LRP1: variants seen among roughly 807,000 people sequenced by gnomAD.
LRP1 encodes the protein LDL receptor related protein 1, also known as prolow-density lipoprotein receptor-related protein 1.
Under a neutral mutation model 541.5 loss-of-function variants are expected in LRP1, and 51 were observed. The observed-to-expected ratio is 0.09, with a 90% CI of 0.08 to 0.12. The LOEUF (loss-of-function observed/expected upper bound fraction) is 0.12. Among genes scored for constraint, LRP1 ranks in the 10% least tolerant of loss-of-function variants. The pLI is 1.00. For synonymous variants in LRP1, 2,219 were observed against 2,470.8 expected (o/e 0.90, Z 3.02); for missense variants, 3,878 against 6,376.2 (o/e 0.61, Z 13.34).
chr12:57,200,063 TC>T, intron 62 of LRP1, 38 bp downstream of exon 62: 2 of 1,511,770 alleles, frequency 1.3e-6, no homozygotes, highest in Admixed American at 2.3e-5. Flanking sequence ...CAGTGCCCGC[TC>T]CCCAACCCCC....
chr12:57,166,364 G>C lies in LRP1; in HGVS notation c.2797+155G>C. The stretch of plus-strand genomic sequence containing the variant: ...GAGCCCAGGAGCTCAAGACCAGCCT[G>C]GCCAACATAGTGAGACCTCCCACTC... On this transcript the variant is annotated intron_variant, in intron 17 of 88. Coordinates refer to ENST00000243077, the MANE Select transcript of LRP1 (RefSeq NM_002332.3). 3.0e-6 allele frequency: 3 copies of C among 1,002,370 alleles called. No homozygotes were observed. The South Asian group carries it at 5.2e-5, about 17-fold the overall frequency. 62.1% of individuals were successfully genotyped at this position (1,002,370 alleles called of 1,614,324 possible). A position where few individuals can be genotyped will look rare whatever the true frequency, so the allele number is the denominator to read the frequency against.
At position 57,183,492 on chromosome 12, in the gene LRP1, G is replaced by A. The variant is rs1389847254; in HGVS notation, c.5776G>A (p.Gly1926Ser). ...VPVSGTSLAVGIDFHAENDTI... is the reference protein window; with the variant it reads ...VPVSGTSLAVSIDFHAENDTI... ...AGTGTCCGGGACCTCGCTGGCTGTC[G>A]GCATCGACTTCCACGCTGGTGAGCC... The change falls in exon 35 of 89, where the codon GGC becomes AGC. Residue 1926 changes from glycine (G) to serine (S), a missense_variant. Gly to Ser is a moderately conservative substitution (Grantham distance 56, BLOSUM62 0). Coordinates refer to ENST00000243077, the MANE Select transcript of LRP1 (RefSeq NM_002332.3). This position sits in a 1 kb window ranked among gnomAD's most constrained non-coding sequence, Gnocchi z 6.1. The A allele has an allele frequency of 1.2e-6, 2 of 1,613,644 alleles. No homozygotes were observed. Among genetic ancestry groups the A allele is most frequent in the African/African-American group, 2.7e-5 (2 of 74,914 alleles).
At chr12:57,147,053 G>T (rs2035424522) in intron 6 of LRP1, among the ~76,000 whole-genome samples, 1 of 152,090 alleles carries the variant, frequency 6.6e-6, no homozygotes, top group South Asian at 2.1e-4. Flanking sequence ...TCCTCCCCAG[G>T]AGAAGCTGGT....
Position 57,181,269 on chromosome 12 carries a change from G to T in LRP1, c.5640G>T (p.Arg1880=). 6.2e-7 allele frequency: 1 copy of T among 1,613,130 alleles called. No individual in the cohort carries two copies. Residue 1880 remains arginine, a synonymous_variant, in exon 34 of 89, where the codon CGG becomes CGT. Coordinates refer to ENST00000243077, the MANE Select transcript of LRP1 (RefSeq NM_002332.3). ...SCMCTAGYSL[R]SGQQACEGVG... is the part of the protein sequence containing the mutation. Reference sequence around the variant, plus strand: ...TGTGCACAGCCGGCTATAGCCTCCGGAGTGGCCAGCAGGCCTGCGAGGGTC... The same window carrying T: ...TGTGCACAGCCGGCTATAGCCTCCGTAGTGGCCAGCAGGCCTGCGAGGGTC...
rs953391424 is a variant in LRP1, at chr12:57,131,322, T to C, written c.67+2291T>C. On this transcript the variant is annotated intron_variant, in intron 1 of 88. Transcript: ENST00000243077. ...ACTCCCCACTAGCGACAAAATTGAG[T>C]GTACCTGCTGCTGGAGAGGTTGCAG... Among the ~76,000 whole-genome samples, 20 of 152,104 alleles carry C rather than the reference T, an allele frequency of 1.3e-4. 1 individual carries two copies. The highest frequency in any genetic ancestry group is 1.1e-3 in the Admixed American group (17 of 15,266).
intron 48 of LRP1, 32 bp from the exon 49 acceptor site, chr12:57,194,322 C>G (rs776908234): frequency 6.6e-7 from 1 of 1,506,108 alleles, no homozygotes; most frequent in South Asian, 1.3e-5. Flanking sequence ...CCAGGGGGAA[C>G]CAGGTATCAC....
Position 57,205,737 on chromosome 12 carries a change from CG to C in LRP1, c.11590+64del. The C allele has an allele frequency of 6.3e-7, 1 of 1,591,704 alleles. No individual in the cohort carries two copies. The highest frequency in any genetic ancestry group is 8.5e-7 in the Non-Finnish European group (1 of 1,174,364). The stretch of plus-strand genomic sequence containing the variant: ...GGGGCAGGGCGACCAGGATATCAAA[CG>C]GGGCCGACTTGGAATGGAATGTCTT... On this transcript the variant is annotated intron_variant, in intron 75 of 88. Transcript: ENST00000243077. This position sits in a 1 kb window ranked among gnomAD's most constrained non-coding sequence, Gnocchi z 4.6.
Position 57,179,180 on chromosome 12 carries a change from G to T in LRP1, c.4739-149G>T, listed in dbSNP as rs554106105. ...CACTGTGAGAAGGGGCTGCAGGTCTGCCAGGGGGGCTGCACCCAGCGGGGT... is the reference window on the plus strand; with the variant it reads ...CACTGTGAGAAGGGGCTGCAGGTCTTCCAGGGGGGCTGCACCCAGCGGGGT... On this transcript the variant is annotated intron_variant, in intron 28 of 88. Transcript: ENST00000243077. This position sits in a 1 kb window ranked among gnomAD's most constrained non-coding sequence, Gnocchi z 6.8. 21 of 1,191,890 alleles carry T rather than the reference G, an allele frequency of 1.8e-5. No homozygotes were observed. In the African/African-American group the frequency reaches 3.0e-4, roughly 17 times the overall value. 73.8% of individuals were successfully genotyped at this position (1,191,890 alleles called of 1,614,324 possible). A position where few individuals can be genotyped will look rare whatever the true frequency, so the allele number is the denominator to read the frequency against.
At chr12:57,140,259 T>C (rs144688941) in intron 2 of LRP1, among the ~76,000 whole-genome samples, 4 of 152,196 alleles carry the variant, frequency 2.6e-5, no homozygotes, top group African/African-American at 9.6e-5. Flanking sequence ...CCTTTGATTC[T>C]TCCCAAATCC....
rs2035676803 is a variant in LRP1 at position 57,158,984 on chromosome 12, G to A, written c.1798+346G>A. Among the ~76,000 whole-genome samples, 1 of 152,198 alleles carries A rather than the reference G, an allele frequency of 6.6e-6. No homozygotes were observed. Among genetic ancestry groups the A allele is most frequent in the Non-Finnish European group, 1.5e-5 (1 of 68,026 alleles). The stretch of plus-strand genomic sequence containing the variant: ...GACAGGCCTGCCAGATCAAAACAGG[G>A]CACACCCACATGTATGTGCGCACAC... On this transcript the variant is annotated intron_variant, in intron 11 of 88. Coordinates refer to ENST00000243077, the MANE Select transcript of LRP1 (RefSeq NM_002332.3). The surrounding 1 kb of genome is among the most constrained non-coding windows in gnomAD (Gnocchi z 5.3).
At chr12:57,161,467 C>T (rs2035732358) in intron 13 of LRP1, among the ~76,000 whole-genome samples, 2 of 152,084 alleles carry the variant, frequency 1.3e-5, no homozygotes, top group South Asian at 4.1e-4. Flanking sequence ...TGTCTGCACT[C>T]TCTGCAAGTG....
In LRP1 at chr12:57,197,295, G is replaced by C; in HGVS notation, c.9077-4G>C. On this transcript the variant is annotated splice_polypyrimidine_tract_variant and splice_region_variant and intron_variant, in intron 56 of 88. Coordinates refer to ENST00000243077, the MANE Select transcript of LRP1 (RefSeq NM_002332.3). The surrounding 1 kb of genome is among the most constrained non-coding windows in gnomAD (Gnocchi z 4.5). ...GGAGCTGAGGCAAGATCCTCTGTCT[G>C]CAGACGAGGAACCGTTTCTGATCTT... 1 of 1,614,096 alleles carries C rather than the reference G, an allele frequency of 6.2e-7. No homozygotes were observed. Among genetic ancestry groups the C allele is most frequent in the Non-Finnish European group, 8.5e-7 (1 of 1,179,962 alleles).
At chr12:57,149,399 A>G (rs945071157) in intron 6 of LRP1, 2 of 551,344 alleles carry the variant, frequency 3.6e-6, no homozygotes. Context: ...CTCCCGGCCC[A>G]GATCCAGCCC....
At position 57,184,155 on chromosome 12, in the gene LRP1, C is replaced by T. The variant is rs751722043; in HGVS notation, c.6000C>T (p.Tyr2000=). Residue 2000 remains tyrosine, a synonymous_variant, in exon 37 of 89, where the codon TAC becomes TAT. Transcript: ENST00000243077. The surrounding 1 kb of genome is among the most constrained non-coding windows in gnomAD (Gnocchi z 7.8). ...CCCGGCTCAATGGCTCCTTCCGCTA[C>T]GTGGTGATCTCCCAGGGTCTAGACA... ...EVARLNGSFR[Y]VVISQGLDKP... is the part of the protein sequence containing the mutation. 10 of 1,614,022 alleles carry T rather than the reference C, an allele frequency of 6.2e-6. No individual in the cohort carries two copies. The highest frequency in any genetic ancestry group is 4.5e-5 in the East Asian group (2 of 44,894).
chr12:57,206,357 G>T lies in LRP1; in HGVS notation c.11591-116G>T. On this transcript the variant is annotated intron_variant, in intron 75 of 88. Transcript: ENST00000243077. This position sits in a 1 kb window ranked among gnomAD's most constrained non-coding sequence, Gnocchi z 4.7. ...GCAGGGAGGGTAAGCAGCAGCTTCT[G>T]GCCGGAGCAGATGGTCCTACCAGGA... 1 of 1,104,094 alleles carries T rather than the reference G, an allele frequency of 9.1e-7. No individual in the cohort carries two copies. The allele number at this position is 1,104,094 out of a possible 1,614,324, so 68.4% of individuals were successfully genotyped here.
chr12:57,129,118 G>C lies in LRP1; in HGVS notation c.67+87G>C, dbSNP rs751213952. On this transcript the variant is annotated intron_variant, in intron 1 of 88. Coordinates refer to ENST00000243077, the MANE Select transcript of LRP1 (RefSeq NM_002332.3). ...CTGCATACGGATGGGGAAGGGAGAC[G>C]CGGGAGGGGGTGCCTTTTGTTATCC... is the stretch of plus-strand genomic sequence containing the variant. 27 of 1,356,778 alleles carry C rather than the reference G, an allele frequency of 2.0e-5. No homozygotes were observed. The South Asian group carries it at 3.4e-4, about 17-fold the overall frequency. 84.0% of individuals were successfully genotyped at this position (1,356,778 alleles called of 1,614,324 possible). A position where few individuals can be genotyped will look rare whatever the true frequency, so the allele number is the denominator to read the frequency against.
At position 57,187,428 on chromosome 12, in the gene LRP1, C is replaced by G; in HGVS notation, c.7003C>G (p.Arg2335Gly). 6.2e-7 allele frequency: 1 copy of G among 1,613,878 alleles called. No homozygotes were observed. The highest frequency in any genetic ancestry group is 8.5e-7 in the Non-Finnish European group (1 of 1,179,922). Residue 2335 changes from arginine (R) to glycine (G), a missense_variant, in exon 42 of 89, where the codon CGG becomes GGG. By Grantham distance (125) the Arg-to-Gly change is moderately radical (BLOSUM62 -2). Around this residue, in one of 13 missense-constraint regions of LRP1, gnomAD observed 1,100 missense variants for 1,827.4 expected, o/e 0.60. Coordinates refer to ENST00000243077, the MANE Select transcript of LRP1 (RefSeq NM_002332.3). ...CACTATGTCTGGAGATGACCACCCA[C>G]GGGCCTTCGTTTTGGACGAGTGCCA... ...VITMSGDDHP[R>G]AFVLDECQNL...
rs150598075 is a variant in LRP1, at chr12:57,169,692, G to A, written c.3163+385G>A. Among the ~76,000 whole-genome samples, 113 of 152,332 alleles carry A rather than the reference G, an allele frequency of 7.4e-4. No individual in the cohort carries two copies. The East Asian group carries it at 0.02, about 27-fold the overall frequency. On this transcript the variant is annotated intron_variant, in intron 20 of 88. Coordinates refer to ENST00000243077, the MANE Select transcript of LRP1 (RefSeq NM_002332.3). ...GTGGGAGTTTAGTGAGATCACGCAC[G>A]AAAAGTGCTCAGCACACGGCCTGTG...
Position 57,195,786 on chromosome 12 carries a change from C to A in LRP1, c.8560+6C>A, listed in dbSNP as rs1376111838. ...TGATGAGTCCCCCGAGTGTGGTGAG[C>A]CTTCGGCGGTGGTGGGAGGAGGCCC... On this transcript the variant is annotated splice_donor_region_variant and intron_variant, in intron 53 of 88. Coordinates refer to ENST00000243077, the MANE Select transcript of LRP1 (RefSeq NM_002332.3). 3.1e-6 allele frequency: 5 copies of A among 1,614,134 alleles called. No individual in the cohort carries two copies. The South Asian group carries it at 3.3e-5, about 11-fold the overall frequency.
Sources: allele counts gnomAD v4.1 joint callset (sites outside exome capture counted in the v4.1 genomes callset), GRCh38; gene constraint gnomAD v4.1.1; regional missense constraint gnomAD v4.1.1; non-coding constraint Gnocchi (gnomAD v3.1); transcripts MANE v1.5; gene names NCBI Gene and HGNC (gene_info 2026-07-23, HGNC 2026-07-21).